Variants in BCORL1 observed in about 807,000 individuals in gnomAD.
BCORL1 encodes the protein BCL6 corepressor like 1.
Under a neutral mutation model 87.6 loss-of-function variants are expected in BCORL1, and 7 were observed. The ratio of observed to expected loss-of-function variants is 0.08; its 90% CI spans 0.05 to 0.15. The LOEUF (loss-of-function observed/expected upper bound fraction) is 0.15. BCORL1 is among the 10% of genes least tolerant of loss of function. The probability of loss-of-function intolerance (pLI) is 1.00; values close to 1 mark genes in which losing one functional copy is unlikely to be tolerated. For missense variants in BCORL1, 1,215 were observed against 1,499.7 expected, an observed-to-expected ratio of 0.81 and a Z score of 3.13; for synonymous variants, 591 against 634.4, an observed-to-expected ratio of 0.93 and a Z score of 1.03.
rs370921900 is a variant in BCORL1, at chrX:130,052,011, C to G, written c.5070C>G (p.Ser1690=). The change falls in exon 13 of 14, where the codon TCC becomes TCG. Residue 1690 remains serine, a synonymous_variant. Coordinates refer to ENST00000540052, the MANE Select transcript of BCORL1 (RefSeq NM_001379451.1). ...LPCYNLQVSV[S]RGPCNWFLFS... ...GCTACAACCTCCAAGTGTCAGTGTC[C>G]CGCGGGTAAGTGTCCGAGAGATCCA... The G allele has an allele frequency of 4.2e-6, 5 of 1,192,345 alleles. No individual in the cohort carries two copies. Among genetic ancestry groups the G allele is most frequent in the Non-Finnish European group, 5.6e-6 (5 of 885,530 alleles).
intron 1 of BCORL1, among the ~76,000 whole-genome samples, chrX:130,001,517 G>A (rs1928049315): frequency 8.9e-6 from 1 of 111,828 alleles, no homozygotes; most frequent in Admixed American, 9.6e-5. Context: ...AAATACTTGA[G>A]GACAACCAGA....
chrX:129,993,423 C>T (rs1358223172), intron 1 of BCORL1, among the ~76,000 whole-genome samples: 2 of 112,634 alleles, frequency 1.8e-5, no homozygotes, highest in Non-Finnish European at 3.8e-5. Context: ...CGCTGGCTCA[C>T]GCCTATAATC....
At chrX:130,052,593 A>G (rs1410069505) in intron 13 of BCORL1, among the ~76,000 whole-genome samples, 3 of 112,291 alleles carry the variant, frequency 2.7e-5, no homozygotes, top group Non-Finnish European at 5.6e-5. Flanking sequence ...ATTGAACCCA[A>G]TTTAATACTT....
intron 7 of BCORL1, among the ~76,000 whole-genome samples, chrX:130,027,058 C>T (rs528284484): frequency 3.5e-5 from 4 of 113,266 alleles, no homozygotes; most frequent in Admixed American, 9.3e-5. Flanking sequence ...CTGCCACCTC[C>T]GCTCTCTAGT....
At position 129,985,889 on chromosome X, in the gene BCORL1, G is replaced by A. The variant is rs924365884; in HGVS notation, c.-45+3127G>A. Reference sequence around the variant, plus strand: ...TTTTTTTTTAGATGGAGTCTCAGTCGCCCAGGCTGGAGTGCAGTGCTACAA... The same window carrying A: ...TTTTTTTTTAGATGGAGTCTCAGTCACCCAGGCTGGAGTGCAGTGCTACAA... On this transcript the variant is annotated intron_variant, in intron 1 of 13. Transcript: ENST00000540052. Among the ~76,000 whole-genome samples, 5 of 109,052 alleles carry A rather than the reference G, an allele frequency of 4.6e-5. 1 individual carries two copies. The highest frequency in any genetic ancestry group is 1.7e-4 in the African/African-American group (5 of 29,912). The allele number at this position is 109,052 out of a possible 115,157, so 94.7% of individuals were successfully genotyped here.
chrX:130,043,497 C>T (rs1408806574), intron 11 of BCORL1, among the ~76,000 whole-genome samples: 1 of 109,431 alleles, frequency 9.1e-6, no homozygotes, highest in East Asian at 2.9e-4. Flanking sequence ...AGTGTGGAGA[C>T]TGGAGGCTGG....
intron 10 of BCORL1, among the ~76,000 whole-genome samples, chrX:130,038,485 CT>C (rs373182779): frequency 0.098 from 9,761 of 99,627 alleles, 1,320 homozygotes; most frequent in African/African-American, 0.33. Context: ...TTGCCCCCAC[CT>C]TTTTTTTTTT....
intron 1 of BCORL1, among the ~76,000 whole-genome samples, chrX:129,989,816 T>C (rs1394283554): frequency 9.6e-6 from 1 of 104,457 alleles, no homozygotes; most frequent in Non-Finnish European, 2.0e-5. Flanking sequence ...GACAGAGTCT[T>C]GCTCTGTCAC....
intron 10 of BCORL1, 99 bp downstream of exon 10, chrX:130,037,632 C>T: frequency 9.9e-7 from 1 of 1,014,928 alleles, no homozygotes; most frequent in Non-Finnish European, 1.3e-6. Context: ...GTGGCTCACG[C>T]CTGTAATCCC....
intron 11 of BCORL1, among the ~76,000 whole-genome samples, chrX:130,039,739 C>T (rs749697127): frequency 1.1e-4 from 13 of 113,054 alleles, no homozygotes; most frequent in Middle Eastern, 4.6e-3. Flanking sequence ...GGATGCTTCC[C>T]GAAGCTTCAT....
At chrX:130,020,786 G>C (rs1206441253) in intron 4 of BCORL1, among the ~76,000 whole-genome samples, 199 bp from the exon 5 acceptor site, 7 of 111,712 alleles carry the variant, frequency 6.3e-5, no homozygotes, top group Non-Finnish European at 1.3e-4. Context: ...CGCCTATGGG[G>C]ATTAGCTGGG....
chrX:129,991,137 A>T (rs1927113727), intron 1 of BCORL1, among the ~76,000 whole-genome samples: 1 of 109,420 alleles, frequency 9.1e-6, no homozygotes, highest in South Asian at 3.9e-4. Context: ...ATTTTTTGAG[A>T]TAGAGTTTCG....
chrX:130,004,025 A>G (rs1346380637), intron 1 of BCORL1, among the ~76,000 whole-genome samples: 1 of 111,839 alleles, frequency 8.9e-6, no homozygotes, highest in Non-Finnish European at 1.9e-5. Context: ...TTGAACTTCA[A>G]TGAATAAGGA....
chrX:130,042,342 G>A (rs964036220), intron 11 of BCORL1, among the ~76,000 whole-genome samples: 4 of 111,794 alleles, frequency 3.6e-5, no homozygotes, highest in Non-Finnish European at 5.6e-5. Flanking sequence ...CTATCTTCCC[G>A]CCTTGGCCTC....
rs773050802 is a variant in BCORL1, at chrX:130,056,036, C to T, written c.5258C>T (p.Ser1753Phe). 15 of 1,209,379 alleles carry T rather than the reference C, an allele frequency of 1.2e-5. No homozygotes were observed. Among genetic ancestry groups the T allele is most frequent in the East Asian group, 1.2e-4 (4 of 33,773 alleles). The change falls in exon 14 of 14, where the codon TCC becomes TTC. Residue 1753 changes from serine to phenylalanine, a missense_variant. This residue lies in a region of BCORL1 where 129 missense variants were observed against 157.5 expected (regional missense o/e 0.82). Transcript: ENST00000540052. ...AERPGGLDDR[S>F]PPGSSETVEL... ...AGGCCTGGAGGCTTGGACGACAGAT[C>T]CCCCCCAGGCTCCTCTGAGACTGTG...
At chrX:129,997,884 C>G (rs1288459663) in intron 1 of BCORL1, among the ~76,000 whole-genome samples, 1 of 105,423 alleles carries the variant, frequency 9.5e-6, no homozygotes, top group Non-Finnish European at 1.9e-5. Flanking sequence ...GTGATTGTCT[C>G]TGGCTACCTA....
At chrX:129,982,203 G>T (rs958166462), upstream of BCORL1, among the ~76,000 whole-genome samples, 2 of 110,091 alleles carry the variant, frequency 1.8e-5, no homozygotes, top group Admixed American at 1.9e-4. Context: ...GCGTCGAGGT[G>T]GGGGGGGACG....
At chrX:129,983,436 G>T (rs976094396) in intron 1 of BCORL1, among the ~76,000 whole-genome samples, 5 of 101,434 alleles carry the variant, frequency 4.9e-5, no homozygotes, top group South Asian at 1.0e-3. Context: ...TGGGGGGGGG[G>T]GGTGTCCGTG....
In BCORL1 at chrX:130,041,919, G is replaced by A. The variant is rs372268213; in HGVS notation, c.4840+2637G>A. On this transcript the variant is annotated intron_variant, in intron 11 of 13. Transcript: ENST00000540052. ...TGGAATTACAGGCGTGAGCCACCGC[G>A]CCCGGCCCCAGAGAAGACTTTTCTT... Among the ~76,000 whole-genome samples, 41 of 111,796 alleles carry A rather than the reference G, an allele frequency of 3.7e-4. 2 individuals are homozygous for A. In the East Asian group the frequency reaches 8.4e-3, roughly 23 times the overall value.
Sources: allele counts gnomAD v4.1 joint callset (sites outside exome capture counted in the v4.1 genomes callset), GRCh38; gene constraint gnomAD v4.1.1; regional missense constraint gnomAD v4.1.1; transcripts MANE v1.5; gene names NCBI Gene and HGNC (gene_info 2026-07-23, HGNC 2026-07-21).